The following FUBP3 variants were observed in gnomAD, a reference collection of about 807,000 sequenced individuals.
FUBP3 encodes far upstream element-binding protein 3.
Under a neutral mutation model 85.6 loss-of-function variants are expected in FUBP3, and 28 were observed. The ratio of observed to expected loss-of-function variants is 0.33; its 90% CI spans 0.24 to 0.45. The LOEUF (loss-of-function observed/expected upper bound fraction) is 0.45, where lower values mean the gene tolerates loss of function less well. Ranked by LOEUF, FUBP3 falls within the 20% of genes least tolerant of loss-of-function variation. The probability of loss-of-function intolerance (pLI) is 1.00; values close to 1 mark genes in which losing one functional copy is unlikely to be tolerated. For synonymous variants in FUBP3, 271 were observed against 271.4 expected, an observed-to-expected ratio of 1.00 and a Z score of 0.01; for missense variants, 583 against 755.1, an observed-to-expected ratio of 0.77 and a Z score of 2.67.
At chr9:130,631,476 G>C in intron 13 of FUBP3, 81 bp from the exon 14 acceptor site, 1 of 1,409,416 alleles carries the variant, frequency 7.1e-7, no homozygotes, top group Non-Finnish European at 9.9e-7. Context: ...CAAAAGCTGG[G>C]CTTTGCCTCG....
intron 12 of FUBP3, among the ~76,000 whole-genome samples, chr9:130,628,266 C>A (rs529770025): frequency 4.6e-5 from 7 of 152,336 alleles, no homozygotes; most frequent in African/African-American, 1.4e-4. Flanking sequence ...TCCCTGGCCC[C>A]TGCTGGATTT....
chr9:130,607,467 G>T (rs1564204296), intron 2 of FUBP3, among the ~76,000 whole-genome samples: 1 of 152,116 alleles, frequency 6.6e-6, no homozygotes, highest in Non-Finnish European at 1.5e-5. Flanking sequence ...AAGATGCATT[G>T]TCAACCAGCA....
In FUBP3 at chr9:130,626,420, C is replaced by A; in HGVS notation, c.1032C>A (p.Gly344=). The A allele has an allele frequency of 6.2e-7, 1 of 1,613,966 alleles. No homozygotes were observed. Among genetic ancestry groups the A allele is most frequent in the Non-Finnish European group, 8.5e-7 (1 of 1,179,942 alleles). The part of the protein sequence containing the change: ...AAARGRGRGR[G]DWSVGAPGGV... ...CCAGAGGAAGAGGTCGTGGCCGTGG[C>A]GACTGGAGCGTGGGAGCCCCTGGTG... The change falls in exon 12 of 19, where the codon GGC becomes GGA. Residue 344 remains glycine, a synonymous_variant. Coordinates refer to ENST00000319725, the MANE Select transcript of FUBP3 (RefSeq NM_003934.2).
rs1564233481 is a variant in FUBP3, at chr9:130,637,042, ACTCTCCC to A, written c.*24_*30del. 6.2e-7 allele frequency: 1 copy of A among 1,604,604 alleles called. No individual in the cohort carries two copies. Among genetic ancestry groups the A allele is most frequent in the East Asian group, 2.2e-5 (1 of 44,856 alleles). On this transcript the variant is annotated 3_prime_UTR_variant, in exon 19 of 19. Transcript: ENST00000319725. ...CAGTAGGACAGCGTCCTCGTGGCCAACTCTCCCCTCAAAATCATTGTCAAAGAAAACC... is the reference window on the plus strand; with the variant it reads ...CAGTAGGACAGCGTCCTCGTGGCCAACTCAAAATCATTGTCAAAGAAAACC...
At chr9:130,628,049 GTCTT>G (rs1385283361) in intron 12 of FUBP3, among the ~76,000 whole-genome samples, 1 of 151,914 alleles carries the variant, frequency 6.6e-6, no homozygotes, top group African/African-American at 2.4e-5. Context: ...ATATGGGAGG[GTCTT>G]TCTATGTCAC....
intron 6 of FUBP3, among the ~76,000 whole-genome samples, chr9:130,615,730 G>A (rs1279217784): frequency 6.6e-6 from 1 of 152,176 alleles, no homozygotes; most frequent in African/African-American, 2.4e-5. Context: ...GCCCAAAGCA[G>A]GTGTCTGTGA....
intron 3 of FUBP3, among the ~76,000 whole-genome samples, chr9:130,611,439 G>C (rs1383855484): frequency 6.6e-6 from 1 of 152,134 alleles, no homozygotes; most frequent in African/African-American, 2.4e-5. Context: ...AGAGAATCCC[G>C]TCTTGTTCAT....
chr9:130,610,766 T>C (rs935042433), intron 3 of FUBP3, among the ~76,000 whole-genome samples: 2 of 152,358 alleles, frequency 1.3e-5, no homozygotes, highest in East Asian at 1.9e-4. Context: ...GTATTCTGCC[T>C]AGGTGTTTGG....
rs1564231480 is a variant in FUBP3 at position 130,635,770 on chromosome 9, G to A, written c.1583-229G>A. On this transcript the variant is annotated intron_variant, in intron 17 of 18. Transcript: ENST00000319725. This position sits in a 1 kb window ranked among gnomAD's most constrained non-coding sequence, Gnocchi z 4.3. ...GAGAATGCGCTTCCGCAGAGAGAAG[G>A]CAGGCGTGAGGATTGGTCTTCACAG... The A allele has an allele frequency of 9.7e-6, 5 of 513,742 alleles. No individual in the cohort carries two copies. The East Asian group carries it at 1.6e-4, about 16-fold the overall frequency. The allele number at this position is 513,742 out of a possible 1,614,324, so 31.8% of individuals were successfully genotyped here. A position where few individuals can be genotyped will look rare whatever the true frequency, so the allele number is the denominator to read the frequency against.
At chr9:130,611,899 A>G (rs2119071196) in intron 3 of FUBP3, among the ~76,000 whole-genome samples, 1 of 152,262 alleles carries the variant, frequency 6.6e-6, no homozygotes, top group South Asian at 2.1e-4. Flanking sequence ...GTCAACAGTG[A>G]TTACGCCTCC....
intron 8 of FUBP3, 87 bp downstream of exon 8, chr9:130,617,982 T>G: frequency 7.9e-6 from 5 of 629,590 alleles, no homozygotes; most frequent in Non-Finnish European, 1.1e-5. Context: ...CCTCAAGTAA[T>G]TGTGAAACTG....
intron 12 of FUBP3, among the ~76,000 whole-genome samples, chr9:130,629,959 C>G (rs1335274463): frequency 6.6e-6 from 1 of 152,236 alleles, no homozygotes; most frequent in African/African-American, 2.4e-5. Context: ...GACTGAGACT[C>G]TCCGCAGGTT....
rs938053497 is a variant in FUBP3, at chr9:130,633,702, A to G, written c.1511-965A>G. ...TGCTTGCCGGCGCCCTCCGCGTCCG[A>G]GGGAAGAGTGTTTGCTGCCTGTGTC... On this transcript the variant is annotated intron_variant, in intron 16 of 18. Coordinates refer to ENST00000319725, the MANE Select transcript of FUBP3 (RefSeq NM_003934.2). 4.6e-5 allele frequency among the ~76,000 whole-genome samples: 7 copies of G among 152,158 alleles called. No individual in the cohort carries two copies. The East Asian group carries it at 1.4e-3, about 29-fold the overall frequency.
At chr9:130,627,005 G>A (rs146585026) in intron 12 of FUBP3, among the ~76,000 whole-genome samples, 117 of 152,302 alleles carry the variant, frequency 7.7e-4, no homozygotes, top group African/African-American at 2.7e-3. Flanking sequence ...CGTGAGTCAC[G>A]GACTCTCTGT....
rs1227823653 is a variant in FUBP3 at position 130,617,828 on chromosome 9, A to C, written c.599A>C (p.Gln200Pro). 6.2e-7 allele frequency: 1 copy of C among 1,607,666 alleles called. No individual in the cohort carries two copies. Among genetic ancestry groups the C allele is most frequent in the Non-Finnish European group, 8.5e-7 (1 of 1,174,192 alleles). ...ACAGGGGTGAAGATGGTCATGATCC[A>C]GGATGGCCCATTGCCCACGGGAGCA... The part of the protein sequence containing the change: ...ERTGVKMVMI[Q>P]DGPLPTGADK... Residue 200 changes from glutamine to proline, a missense_variant, in exon 8 of 19, where the codon CAG becomes CCG. Gln to Pro is a moderately conservative substitution (Grantham distance 76). Transcript: ENST00000319725.
intron 2 of FUBP3, among the ~76,000 whole-genome samples, chr9:130,596,153 T>A (rs1172262086): frequency 6.6e-6 from 1 of 152,220 alleles, no homozygotes; most frequent in African/African-American, 2.4e-5. Flanking sequence ...TTGAGAACAC[T>A]TAGAAGTGCC....
chr9:130,588,259 T>A (rs1323043271), intron 1 of FUBP3, among the ~76,000 whole-genome samples: 4 of 152,232 alleles, frequency 2.6e-5, no homozygotes, highest in Admixed American at 2.6e-4. Context: ...GACAAGTTAT[T>A]TAACTTCTTT....
intron 11 of FUBP3, among the ~76,000 whole-genome samples, chr9:130,624,519 C>T (rs553179375): frequency 1.5e-4 from 23 of 152,300 alleles, no homozygotes; most frequent in African/African-American, 4.6e-4. Context: ...AAATCAAGCT[C>T]GTTCAGCCTG....
intron 8 of FUBP3, among the ~76,000 whole-genome samples, chr9:130,618,985 C>T (rs1832157640): frequency 6.6e-6 from 1 of 152,242 alleles, no homozygotes; most frequent in African/African-American, 2.4e-5. Context: ...CCAGAGCTCC[C>T]AGCCTTCTCT....
Sources: gnomAD v4.1 joint callset for allele counts (sites outside exome capture counted in the v4.1 genomes callset) on GRCh38, gnomAD v4.1.1 for gene constraint, Gnocchi (gnomAD v3.1) non-coding constraint, MANE v1.5 for transcripts, NCBI Gene and HGNC (gene_info 2026-07-23, HGNC 2026-07-21) for gene names.